The following KCNK5 variants were observed in gnomAD, a reference collection of about 807,000 sequenced individuals.
KCNK5 encodes the protein potassium two pore domain channel subfamily K member 5.
In KCNK5, 18 loss-of-function variants were observed where a neutral mutation model predicts 32.9. That is an observed-to-expected ratio of 0.55 (90% confidence interval 0.38 to 0.81). The LOEUF (loss-of-function observed/expected upper bound fraction) is 0.81. Ranked by LOEUF, KCNK5 falls within the 30% of genes least tolerant of loss-of-function variation. KCNK5 has a pLI of 0.00. For synonymous variants in KCNK5, 276 were observed against 275.3 expected (o/e 1.00, Z -0.03); for missense variants, 507 against 651.0 (o/e 0.78, Z 2.41).
intron 1 of KCNK5, among the ~76,000 whole-genome samples, chr6:39,210,962 C>T (rs962869078): frequency 1.3e-5 from 2 of 152,076 alleles, no homozygotes; most frequent in Non-Finnish European, 2.9e-5. Context: ...AAAAACAGTG[C>T]CCGCCCCTCC....
Position 39,191,528 on chromosome 6 carries a change from C to T in KCNK5, c.862G>A (p.Val288Ile), listed in dbSNP as rs142110814. 19 of 1,613,850 alleles carry T rather than the reference C, an allele frequency of 1.2e-5. No homozygotes were observed. The highest frequency in any genetic ancestry group is 8.3e-5 in the Admixed American group (5 of 60,006). Residue 288 changes from valine to isoleucine, a missense_variant, in exon 5 of 5, where the codon GTC becomes ATC. Physicochemically the swap from Val to Ile is conservative, Grantham distance 29. This residue lies in a region of KCNK5 where 42 missense variants were observed against 35.3 expected (regional missense o/e 1.19). Coordinates refer to ENST00000359534, the MANE Select transcript of KCNK5 (RefSeq NM_003740.4). This position sits in a 1 kb window ranked among gnomAD's most constrained non-coding sequence, Gnocchi z 5.8. ...QVKGSTASKD[V>I]NIFSFLSKKE... ...TTGGAAAGAAAGCTGAAGATGTTGA[C>T]GTCCTTGGAGGCTGTGCTCCCCTTC... is the stretch of plus-strand genomic sequence containing the variant.
intron 2 of KCNK5, 134 bp downstream of exon 2, chr6:39,195,742 A>C (rs1026876146): frequency 6.9e-6 from 4 of 582,784 alleles, no homozygotes; most frequent in Non-Finnish European, 1.2e-5. Flanking sequence ...TCCCTAAGAA[A>C]GTATCAAAAG....
chr6:39,212,019 G>A (rs756680830), intron 1 of KCNK5, among the ~76,000 whole-genome samples: 13 of 151,974 alleles, frequency 8.6e-5, no homozygotes, highest in African/African-American at 1.2e-4. Context: ...CAGGCACGGC[G>A]GCTCAGGCCT....
intron 1 of KCNK5, among the ~76,000 whole-genome samples, chr6:39,213,485 G>A (rs1349594744): frequency 1.3e-5 from 2 of 152,116 alleles, no homozygotes; most frequent in Admixed American, 1.3e-4. Context: ...TCTGGTTCAT[G>A]CCTCAGGCCC....
At chr6:39,207,770 A>T (rs1257249324) in intron 1 of KCNK5, among the ~76,000 whole-genome samples, 1 of 152,114 alleles carries the variant, frequency 6.6e-6, no homozygotes, top group African/African-American at 2.4e-5. Context: ...GCTCTGATCC[A>T]TGAGGCTCTT....
intron 1 of KCNK5, among the ~76,000 whole-genome samples, chr6:39,199,824 C>G (rs570441783): frequency 1.3e-5 from 2 of 152,318 alleles, no homozygotes; most frequent in Non-Finnish European, 2.9e-5. Flanking sequence ...ATGTCAGACA[C>G]CCCTCGCCGG....
Position 39,194,825 on chromosome 6 carries a change from A to G in KCNK5, c.299-65T>C, listed in dbSNP as rs1288122752. The G allele has an allele frequency of 7.4e-7, 1 of 1,346,120 alleles. No individual in the cohort carries two copies. The highest frequency in any genetic ancestry group is 1.4e-5 in the African/African-American group (1 of 68,982). 83.4% of individuals were successfully genotyped at this position (1,346,120 alleles called of 1,614,324 possible). ...GTCAAACCAGTGGGCCTTGCTTCCAACACACACACAGCCCGTTCTCTAAGA... is the reference window on the plus strand; with the variant it reads ...GTCAAACCAGTGGGCCTTGCTTCCAGCACACACACAGCCCGTTCTCTAAGA... On this transcript the variant is annotated intron_variant, in intron 2 of 4. Transcript: ENST00000359534. The surrounding 1 kb of genome is among the most constrained non-coding windows in gnomAD (Gnocchi z 4.7).
rs1000030532 is a variant in KCNK5 at position 39,194,878 on chromosome 6, C to G, written c.299-118G>C. ...AATTGATATTGATCTATTGTCAGTA[C>G]TTAAGTAATGATATTTCCCTTGATC... On this transcript the variant is annotated intron_variant, in intron 2 of 4. Transcript: ENST00000359534. The surrounding 1 kb of genome is among the most constrained non-coding windows in gnomAD (Gnocchi z 4.7). The G allele has an allele frequency of 1.1e-5, 9 of 816,316 alleles. No individual in the cohort carries two copies. Among genetic ancestry groups the G allele is most frequent in the East Asian group, 7.6e-5 (3 of 39,416 alleles). 50.6% of individuals were successfully genotyped at this position (816,316 alleles called of 1,614,324 possible).
At chr6:39,204,392 G>A (rs1033620468) in intron 1 of KCNK5, among the ~76,000 whole-genome samples, 8 of 152,234 alleles carry the variant, frequency 5.3e-5, no homozygotes, top group Non-Finnish European at 1.0e-4. Context: ...GAGGAGGTTG[G>A]ACTATGACTA....
chr6:39,223,254 A>G (rs535753270), intron 1 of KCNK5, among the ~76,000 whole-genome samples: 1 of 152,120 alleles, frequency 6.6e-6, no homozygotes, highest in Non-Finnish European at 1.5e-5. Flanking sequence ...TTCAGAGGCC[A>G]CTCCCACAAC....
intron 1 of KCNK5, among the ~76,000 whole-genome samples, chr6:39,214,093 T>G (rs901708352): frequency 6.6e-6 from 1 of 152,152 alleles, no homozygotes; most frequent in Non-Finnish European, 1.5e-5. Flanking sequence ...TTTGACCATA[T>G]GCAGCAGCTC....
In KCNK5 at chr6:39,189,326, G is replaced by A. The variant is rs1770878462; in HGVS notation, c.*1564C>T. ...TGCCCGGCCTCCAGTCACCCGCAGT[G>A]GATGCCCCTTCCTGCTTTTGCTCAC... On this transcript the variant is annotated 3_prime_UTR_variant, in exon 5 of 5. Transcript: ENST00000359534. 1.3e-5 allele frequency: 2 copies of A among 152,372 alleles called. No individual in the cohort carries two copies. The highest frequency in any genetic ancestry group is 2.9e-5 in the Non-Finnish European group (2 of 68,100). The allele number at this position is 152,372 out of a possible 1,614,324, so 9.4% of individuals were successfully genotyped here. A position where few individuals can be genotyped will look rare whatever the true frequency, so the allele number is the denominator to read the frequency against.
At chr6:39,210,240 C>T (rs569486974) in intron 1 of KCNK5, among the ~76,000 whole-genome samples, 7 of 152,238 alleles carry the variant, frequency 4.6e-5, no homozygotes, top group African/African-American at 1.7e-4. Flanking sequence ...AGCCCTTCAT[C>T]CCGGGCTGCT....
Position 39,194,824 on chromosome 6 carries a change from AAC to A in KCNK5, c.299-66_299-65del. 27 of 1,356,828 alleles carry A rather than the reference AAC, an allele frequency of 2.0e-5. No individual in the cohort carries two copies. Among genetic ancestry groups the A allele is most frequent in the Non-Finnish European group, 2.5e-5 (24 of 959,436 alleles). The allele number at this position is 1,356,828 out of a possible 1,614,324, so 84.0% of individuals were successfully genotyped here. A position where few individuals can be genotyped will look rare whatever the true frequency, so the allele number is the denominator to read the frequency against. Reference sequence around the variant, plus strand: ...GGTCAAACCAGTGGGCCTTGCTTCCAACACACACACAGCCCGTTCTCTAAGAT... The same window carrying A: ...GGTCAAACCAGTGGGCCTTGCTTCCAACACACACAGCCCGTTCTCTAAGAT... On this transcript the variant is annotated intron_variant, in intron 2 of 4. Transcript: ENST00000359534. The surrounding 1 kb of genome is among the most constrained non-coding windows in gnomAD (Gnocchi z 4.7).
chr6:39,192,736 C>T (rs938716361), intron 4 of KCNK5, among the ~76,000 whole-genome samples: 1 of 152,052 alleles, frequency 6.6e-6, no homozygotes, highest in African/African-American at 2.4e-5. Context: ...TTGGCTTACC[C>T]CCTACAGCTC....
At chr6:39,192,283 CAAAAAAAAAAA>C (rs1226626372) in intron 4 of KCNK5, among the ~76,000 whole-genome samples, 4 of 46,720 alleles carry the variant, frequency 8.6e-5, no homozygotes, top group African/African-American at 3.1e-4. Context: ...GACTCCGTCT[CAAAAAAAAAAA>C]AAAAAAAAAA....
intron 1 of KCNK5, among the ~76,000 whole-genome samples, chr6:39,223,582 C>T (rs1367361081): frequency 6.6e-6 from 1 of 152,210 alleles, no homozygotes; most frequent in Non-Finnish European, 1.5e-5. Context: ...CCAACTGGTT[C>T]TTGCAGCACC....
intron 1 of KCNK5, among the ~76,000 whole-genome samples, chr6:39,198,034 C>A (rs889645873): frequency 2.0e-5 from 3 of 152,204 alleles, no homozygotes; most frequent in Non-Finnish European, 4.4e-5. Context: ...TTGGAACATG[C>A]AGAAGAGGAA....
Position 39,226,401 on chromosome 6 carries a change from G to C in KCNK5, c.186+2525C>G, listed in dbSNP as rs188543639. On this transcript the variant is annotated intron_variant, in intron 1 of 4. Coordinates refer to ENST00000359534, the MANE Select transcript of KCNK5 (RefSeq NM_003740.4). ...GGGAAGGAAGTATCTGACAATTCGG[G>C]GGGTATTTCTAAAGAAAGTTGACTT... Among the ~76,000 whole-genome samples, 7 of 152,206 alleles carry C rather than the reference G, an allele frequency of 4.6e-5. No individual in the cohort carries two copies. The South Asian group carries it at 1.0e-3, about 23-fold the overall frequency.
Sources: allele counts gnomAD v4.1 joint callset (sites outside exome capture counted in the v4.1 genomes callset), GRCh38; gene constraint gnomAD v4.1.1; regional missense constraint gnomAD v4.1.1; non-coding constraint Gnocchi (gnomAD v3.1); transcripts MANE v1.5; gene names NCBI Gene and HGNC (gene_info 2026-07-23, HGNC 2026-07-21).